CDH11: variants seen among roughly 807,000 people sequenced by gnomAD.
The protein encoded by CDH11 is cadherin-11.
CDH11 carries 11 observed loss-of-function variants against 67.8 expected under a neutral mutation model. That is an observed-to-expected ratio of 0.16 (90% CI 0.10 to 0.27). The LOEUF (loss-of-function observed/expected upper bound fraction) is 0.27. CDH11 is among the 10% of genes least tolerant of loss of function. CDH11 has a pLI of 1.00. For synonymous variants in CDH11, 419 were observed against 400.0 expected (o/e 1.05, Z -0.57); for missense variants, 847 against 1,031.2 (o/e 0.82, Z 2.45).
chr16:65,032,857 T>C (rs970710889), intron 2 of CDH11, among the ~76,000 whole-genome samples: 1 of 152,130 alleles, frequency 6.6e-6, no homozygotes. Context: ...AAATCATTCA[T>C]CAAGAGGTGA....
intron 2 of CDH11, among the ~76,000 whole-genome samples, chr16:65,024,179 G>A (rs939582823): frequency 2.0e-5 from 3 of 152,152 alleles, no homozygotes; most frequent in African/African-American, 7.2e-5. Context: ...CTTTACCCCT[G>A]GTTATGTCTT....
chr16:65,030,291 A>G (rs1294180697), intron 2 of CDH11, among the ~76,000 whole-genome samples: 3 of 152,212 alleles, frequency 2.0e-5, no homozygotes, highest in African/African-American at 4.8e-5. Context: ...TTTGGCGGAC[A>G]TACTTATATT....
chr16:65,083,924 G>A (rs2074652900), intron 1 of CDH11, among the ~76,000 whole-genome samples: 2 of 152,148 alleles, frequency 1.3e-5, no homozygotes, highest in South Asian at 4.1e-4. Flanking sequence ...TTCAATCAGA[G>A]CAATTTTATT....
Position 64,946,227 on chromosome 16 carries a change from A to G in CDH11, c.*1376T>C. The G allele has an allele frequency of 9.5e-7, 1 of 1,049,598 alleles. No individual in the cohort carries two copies. Among genetic ancestry groups the G allele is most frequent in the Non-Finnish European group, 1.2e-6 (1 of 869,358 alleles). 65.0% of individuals were successfully genotyped at this position (1,049,598 alleles called of 1,614,324 possible). ...ACAATTAGTTAAAATTACAGGAGGA[A>G]AAATAAGCAGTTTCAACTATCAAGA... On this transcript the variant is annotated 3_prime_UTR_variant, in exon 13 of 13. Transcript: ENST00000268603.
chr16:65,051,137 G>C (rs1429227049), intron 2 of CDH11, among the ~76,000 whole-genome samples: 1 of 152,154 alleles, frequency 6.6e-6, no homozygotes, highest in Non-Finnish European at 1.5e-5. Context: ...TGCGTTTGTA[G>C]GGGAGTGCGA....
rs141644062 is a variant in CDH11 at position 64,991,772 on chromosome 16, C to G, written c.807G>C (p.Pro269=). The G allele has an allele frequency of 1.2e-6, 2 of 1,611,856 alleles. No homozygotes were observed. The highest frequency in any genetic ancestry group is 8.5e-7 in the Non-Finnish European group (1 of 1,178,264). The part of the protein sequence containing the change: ...TDVNDNPPKF[P]QSVYQMSVSE... ...AAGCCAAGTCCACCTACTTACTCTG[C>G]GGAAACTTTGGTGGGTTGTCATTGA... Residue 269 remains proline (P), a synonymous_variant, in exon 6 of 13, where the codon CCG becomes CCC. Transcript: ENST00000268603.
intron 9 of CDH11, among the ~76,000 whole-genome samples, chr16:64,972,511 T>C (rs929610555): frequency 6.6e-6 from 1 of 152,192 alleles, no homozygotes; most frequent in African/African-American, 2.4e-5. Context: ...TGATGACTGA[T>C]CAACCTGATG....
At chr16:65,115,955 T>C (rs963167531) in intron 1 of CDH11, among the ~76,000 whole-genome samples, 70 of 151,790 alleles carry the variant, frequency 4.6e-4, no homozygotes, top group African/African-American at 1.7e-3. Context: ...TAATGAAGAT[T>C]AGTGGGGAAA....
In CDH11 at chr16:64,947,745, G is replaced by A; in HGVS notation, c.2249C>T (p.Ser750Leu). The A allele has an allele frequency of 6.2e-7, 1 of 1,614,172 alleles. No individual in the cohort carries two copies. Among genetic ancestry groups the A allele is most frequent in the Non-Finnish European group, 8.5e-7 (1 of 1,180,016 alleles). ...TAGGGAGCTCAGGGACCCGGCCACTGAGCCCCTGCCTTCATAACCGTAGAT... is the reference window on the plus strand; with the variant it reads ...TAGGGAGCTCAGGGACCCGGCCACTAAGCCCCTGCCTTCATAACCGTAGAT... ...IQIYGYEGRGSVAGSLSSLES... is the reference protein window; with the variant it reads ...IQIYGYEGRGLVAGSLSSLES... The change falls in exon 13 of 13, where the codon TCA (serine) becomes TTA (leucine). Residue 750 changes from serine (S) to leucine (L), a missense_variant. Transcript: ENST00000268603.
chr16:65,114,897 T>C (rs1390278114), intron 1 of CDH11, among the ~76,000 whole-genome samples: 3 of 152,124 alleles, frequency 2.0e-5, no homozygotes, highest in African/African-American at 7.2e-5. Context: ...ACAAGGCAGG[T>C]CCAGGACTTT....
intron 2 of CDH11, among the ~76,000 whole-genome samples, chr16:65,007,796 G>A (rs1188626585): frequency 6.6e-6 from 1 of 152,152 alleles, no homozygotes; most frequent in African/African-American, 2.4e-5. Context: ...TACTAGACTG[G>A]AAACTTCTGA....
At chr16:65,104,786 T>C (rs939101772) in intron 1 of CDH11, among the ~76,000 whole-genome samples, 69 of 152,192 alleles carry the variant, frequency 4.5e-4, no homozygotes, top group African/African-American at 1.5e-3. Flanking sequence ...TAGCGAATTA[T>C]GGAGAGGATG....
chr16:65,098,847 G>A (rs568991248), intron 1 of CDH11, among the ~76,000 whole-genome samples: 2 of 152,242 alleles, frequency 1.3e-5, no homozygotes, highest in Admixed American at 6.5e-5. Flanking sequence ...GTGATTTGGT[G>A]TGTGTGGGGG....
chr16:64,988,044 C>T, intron 7 of CDH11, 113 bp downstream of exon 7: 1 of 758,984 alleles, frequency 1.3e-6, no homozygotes. Context: ...GTCAGGTCAG[C>T]CCCTGGTTTC....
At chr16:64,959,952 T>C (rs527673330) in intron 11 of CDH11, among the ~76,000 whole-genome samples, 1 of 152,234 alleles carries the variant, frequency 6.6e-6, no homozygotes, top group Non-Finnish European at 1.5e-5. Context: ...CACGCAAACA[T>C]TTTGTTGTTT....
intron 1 of CDH11, among the ~76,000 whole-genome samples, chr16:65,066,829 T>C (rs779306856): frequency 1.4e-4 from 21 of 152,234 alleles, no homozygotes; most frequent in Non-Finnish European, 2.6e-4. Flanking sequence ...GCTCCTACAG[T>C]ACCTACTTCA....
At chr16:65,027,273 A>C (rs1453838546) in intron 2 of CDH11, among the ~76,000 whole-genome samples, 2 of 152,118 alleles carry the variant, frequency 1.3e-5, no homozygotes, top group Non-Finnish European at 2.9e-5. Context: ...ATGATACAAA[A>C]CTTTGCTCCA....
chr16:65,081,458 A>C (rs1282666136), intron 1 of CDH11, among the ~76,000 whole-genome samples: 1 of 152,052 alleles, frequency 6.6e-6, no homozygotes, highest in Non-Finnish European at 1.5e-5. Flanking sequence ...AGTCCCAGCT[A>C]CGCGGGAGGC....
chr16:65,036,716 C>A (rs1044280165), intron 2 of CDH11, among the ~76,000 whole-genome samples: 8 of 151,942 alleles, frequency 5.3e-5, no homozygotes, highest in African/African-American at 1.9e-4. Context: ...AAATGCAGAC[C>A]CCCCTCAAAA....
Sources: gnomAD v4.1 joint callset for allele counts (sites outside exome capture counted in the v4.1 genomes callset) on GRCh38, gnomAD v4.1.1 for gene constraint, MANE v1.5 for transcripts, NCBI Gene and HGNC (gene_info 2026-07-23, HGNC 2026-07-21) for gene names.